MCM9: variants seen among roughly 807,000 people sequenced by gnomAD.
MCM9 encodes the protein minichromosome maintenance 9 homologous recombination repair factor.
MCM9 carries 55 observed loss-of-function variants against 72.8 expected under a neutral mutation model. The ratio of observed to expected loss-of-function variants is 0.76; its 90% CI spans 0.61 to 0.95. MCM9 has a LOEUF of 0.95. Ranked by LOEUF, MCM9 falls within the 40% of genes least tolerant of loss-of-function variation. The pLI is 0.00. For missense variants in MCM9, 1,279 were observed against 1,377.0 expected (o/e 0.93, Z 1.13); for synonymous variants, 480 against 503.4 (o/e 0.95, Z 0.62).
intron 8 of MCM9, among the ~76,000 whole-genome samples, chr6:118,898,310 C>T (rs919759037): frequency 2.6e-5 from 4 of 151,986 alleles, no homozygotes; most frequent in African/African-American, 7.3e-5. Context: ...TAAATTATGG[C>T]TATGTTCCTA....
Position 118,859,064 on chromosome 6 carries a change from A to G in MCM9, c.1151-2519T>C, listed in dbSNP as rs149013332. Among the ~76,000 whole-genome samples the G allele has an allele frequency of 2.3e-4, 35 of 152,330 alleles. No homozygotes were observed. The East Asian group carries it at 6.4e-3, about 28-fold the overall frequency. ...GTGTGGTACTGGAAAAAGGTTAGGC[A>G]GATAGAACACTGGAACAGAACAGAA... On this transcript the variant is annotated intron_variant, in intron 8 of 13. Coordinates refer to ENST00000619706, the MANE Select transcript of MCM9 (RefSeq NM_017696.3).
At chr6:118,905,935 AAT>A in intron 8 of MCM9, 3 of 819,552 alleles carry the variant, frequency 3.7e-6, no homozygotes, top group Non-Finnish European at 5.5e-6. Context: ...AGATAAAATA[AAT>A]ATGAGGTCCT....
rs147409252 is a variant in MCM9 at position 118,844,886 on chromosome 6, T to C, written c.1325+11485A>G. ...CTTTAGTATATTTCTTAAGTGATTC[T>C]TTGTCTTCATTACAGTTCTGGACAG... is the stretch of plus-strand genomic sequence containing the variant. On this transcript the variant is annotated intron_variant, in intron 9 of 13. Transcript: ENST00000619706. 9.7e-3 allele frequency among the ~76,000 whole-genome samples: 1,471 copies of C among 151,972 alleles called. 56 individuals are homozygous for C. The highest frequency in any genetic ancestry group is 0.051 in the Middle Eastern group (15 of 294).
At position 118,917,627 on chromosome 6, in the gene MCM9, T is replaced by C. The variant is rs1441641570; in HGVS notation, c.838A>G (p.Met280Val). The change falls in exon 6 of 14, where the codon ATG becomes GTG. Residue 280 changes from methionine (M) to valine (V), a missense_variant. Transcript: ENST00000619706. ...VNNEQSSGII[M>V]DEEVQKEFED... ...AATTCCTTTTGGACCTCCTCATCCATGATGATCCCTGAGGACTGCTCATTA... is the reference window on the plus strand; with the variant it reads ...AATTCCTTTTGGACCTCCTCATCCACGATGATCCCTGAGGACTGCTCATTA... 2.5e-6 allele frequency: 4 copies of C among 1,614,084 alleles called. No homozygotes were observed. Among genetic ancestry groups the C allele is most frequent in the Non-Finnish European group, 3.4e-6 (4 of 1,180,038 alleles).
chr6:118,886,671 C>T (rs1348750472), intron 8 of MCM9, among the ~76,000 whole-genome samples: 2 of 152,118 alleles, frequency 1.3e-5, no homozygotes, highest in Non-Finnish European at 2.9e-5. Flanking sequence ...ATGAAAACAA[C>T]AGGCCAGGTG....
chr6:118,931,553 A>G lies in MCM9; in HGVS notation c.171T>C (p.Tyr57=), dbSNP rs1451602374. ...LFETNMEIGE[Y]FNMFPSEVLT... ...GCACTTCACTGGGGAACATGTTGAAATATTCCCCGATTTCCATGTTGGTCT... is the reference window on the plus strand; with the variant it reads ...GCACTTCACTGGGGAACATGTTGAAGTATTCCCCGATTTCCATGTTGGTCT... The change falls in exon 3 of 14, where the codon TAT becomes TAC. Residue 57 remains tyrosine (Y), a synonymous_variant. Transcript: ENST00000619706. 6.2e-7 allele frequency: 1 copy of G among 1,614,164 alleles called. No homozygotes were observed. Among genetic ancestry groups the G allele is most frequent in the Non-Finnish European group, 8.5e-7 (1 of 1,180,026 alleles).
intron 9 of MCM9, among the ~76,000 whole-genome samples, chr6:118,843,714 A>ATATGTG (rs1351326968): frequency 6.2e-5 from 5 of 80,932 alleles, no homozygotes; most frequent in Non-Finnish European, 1.2e-4. Flanking sequence ...GTATGTATAT[A>ATATGTG]TATATGTATA....
intron 9 of MCM9, among the ~76,000 whole-genome samples, chr6:118,844,373 C>A (rs1775712058): frequency 2.0e-5 from 3 of 151,692 alleles, no homozygotes; most frequent in Admixed American, 2.0e-4. Flanking sequence ...AAAATGAACA[C>A]ATGAGTTAAC....
intron 8 of MCM9, among the ~76,000 whole-genome samples, chr6:118,906,852 T>C (rs1374241705): frequency 6.6e-6 from 1 of 152,228 alleles, no homozygotes; most frequent in African/African-American, 2.4e-5. Context: ...ATGTTCTTTC[T>C]GATAATAAGG....
intron 8 of MCM9, among the ~76,000 whole-genome samples, chr6:118,879,025 C>A (rs1388529490): frequency 1.3e-5 from 2 of 151,378 alleles, no homozygotes; most frequent in African/African-American, 2.5e-5. Flanking sequence ...CACTGCATTC[C>A]AGCCTGGGCA....
intron 9 of MCM9, among the ~76,000 whole-genome samples, chr6:118,832,811 G>T (rs1774667199): frequency 6.6e-6 from 1 of 152,128 alleles, no homozygotes; most frequent in Non-Finnish European, 1.5e-5. Context: ...CTTTACTTAT[G>T]GCTTTGATCA....
At chr6:118,822,656 A>T (rs1275603465) in intron 13 of MCM9, among the ~76,000 whole-genome samples, 1 of 152,128 alleles carries the variant, frequency 6.6e-6, no homozygotes, top group South Asian at 2.1e-4. Context: ...GAATCCTCCT[A>T]GTTAGGATCA....
chr6:118,858,445 G>A (rs775602899), intron 8 of MCM9, among the ~76,000 whole-genome samples: 10 of 151,972 alleles, frequency 6.6e-5, no homozygotes, highest in Non-Finnish European at 1.0e-4. Flanking sequence ...CTCCTACAAA[G>A]ATCAGAAAAA....
chr6:118,932,154 C>T (rs1390990764), intron 2 of MCM9, among the ~76,000 whole-genome samples: 3 of 152,048 alleles, frequency 2.0e-5, no homozygotes, highest in Non-Finnish European at 4.4e-5. Context: ...ACATAGATAC[C>T]ATTGTGTTAC....
At chr6:118,839,700 G>T (rs576917955) in intron 9 of MCM9, among the ~76,000 whole-genome samples, 1 of 152,132 alleles carries the variant, frequency 6.6e-6, no homozygotes, top group African/African-American at 2.4e-5. Context: ...GTCTGCTGGC[G>T]TTTGCTGGAG....
Position 118,931,399 on chromosome 6 carries a change from T to C in MCM9, c.304+21A>G, listed in dbSNP as rs77276008. ...ATCTTTCTAGAAGATAGCATGGCAG[T>C]AAAATCCTTAAGTGATTTACCTGAT... On this transcript the variant is annotated intron_variant, in intron 3 of 13. Coordinates refer to ENST00000619706, the MANE Select transcript of MCM9 (RefSeq NM_017696.3). 9.5e-3 allele frequency: 15,140 copies of C among 1,586,426 alleles called. 74 individuals carry two copies. Among genetic ancestry groups the C allele is most frequent in the Non-Finnish European group, 0.011 (13,092 of 1,160,930 alleles).
chr6:118,931,117 A>G (rs1237377281), intron 3 of MCM9, among the ~76,000 whole-genome samples: 1 of 152,240 alleles, frequency 6.6e-6, no homozygotes, highest in African/African-American at 2.4e-5. Context: ...CTTTATTGTT[A>G]GTAACCACAA....
chr6:118,892,515 A>T (rs1286517584), intron 8 of MCM9, among the ~76,000 whole-genome samples: 1 of 152,230 alleles, frequency 6.6e-6, no homozygotes, highest in East Asian at 1.9e-4. Flanking sequence ...TGTAATAATC[A>T]GACAACTGCA....
chr6:118,894,639 T>C (rs1779220046), intron 8 of MCM9: 6 of 872,208 alleles, frequency 6.9e-6, no homozygotes, highest in South Asian at 6.3e-5. Context: ...CGCGGGCTGC[T>C]CTGCGGAGGG....
Sources: allele counts gnomAD v4.1 joint callset (sites outside exome capture counted in the v4.1 genomes callset), GRCh38; gene constraint gnomAD v4.1.1; transcripts MANE v1.5; gene names NCBI Gene and HGNC (gene_info 2026-07-23, HGNC 2026-07-21).